Variants in BCL7A observed in about 807,000 individuals in gnomAD.
BCL7A encodes B-cell CLL/lymphoma 7 protein family member A.
A neutral mutation model predicts 28.4 loss-of-function variants in BCL7A; 11 were observed. The observed-to-expected ratio is 0.39, with a 90% CI of 0.24 to 0.64. The LOEUF (loss-of-function observed/expected upper bound fraction) is 0.64. Among genes scored for constraint, BCL7A ranks in the 30% least tolerant of loss-of-function variants. The pLI, the probability that BCL7A is intolerant of heterozygous loss-of-function variation, is 0.50. For missense variants in BCL7A, 222 were observed against 274.8 expected (o/e 0.81, Z 1.36); for synonymous variants, 123 against 103.3 (o/e 1.19, Z -1.15).
intron 4 of BCL7A, among the ~76,000 whole-genome samples, chr12:122,049,684 T>C (rs1314202694): frequency 1.3e-5 from 2 of 152,130 alleles, no homozygotes; most frequent in Admixed American, 1.3e-4. Context: ...GACTGTGCCA[T>C]AATTTATGTG....
At chr12:122,053,392 T>TGTCCCAGGCCC (rs1341271731) in intron 4 of BCL7A, among the ~76,000 whole-genome samples, 1 of 152,178 alleles carries the variant, frequency 6.6e-6, no homozygotes, top group Non-Finnish European at 1.5e-5. Context: ...TGTCCCGGCC[T>TGTCCCAGGCCC]GTCCCAGGCC....
At chr12:122,045,066 A>G (rs1444534437) in intron 4 of BCL7A, among the ~76,000 whole-genome samples, 1 of 152,070 alleles carries the variant, frequency 6.6e-6, no homozygotes, top group Non-Finnish European at 1.5e-5. Flanking sequence ...GGGCAGAGGT[A>G]AGAGTGAGTG....
chr12:122,039,302 A>G (rs1344825717), intron 3 of BCL7A, among the ~76,000 whole-genome samples: 2 of 149,542 alleles, frequency 1.3e-5, no homozygotes, highest in African/African-American at 2.5e-5. Context: ...GTCTAAAAAA[A>G]AATAGATTAA....
At chr12:122,052,031 C>T (rs998175947) in intron 4 of BCL7A, among the ~76,000 whole-genome samples, 1 of 151,844 alleles carries the variant, frequency 6.6e-6, no homozygotes, top group African/African-American at 2.4e-5. Context: ...CCTGCCATCA[C>T]ACCCAGCTAC....
In BCL7A at chr12:122,061,415, G is replaced by A; in HGVS notation, c.*2252G>A. 4.3e-6 allele frequency: 1 copy of A among 231,966 alleles called. No individual in the cohort carries two copies. The allele number at this position is 231,966 out of a possible 1,614,324, so 14.4% of individuals were successfully genotyped here. A position where few individuals can be genotyped will look rare whatever the true frequency, so the allele number is the denominator to read the frequency against. On this transcript the variant is annotated 3_prime_UTR_variant, in exon 6 of 6. Coordinates refer to ENST00000261822, the MANE Select transcript of BCL7A (RefSeq NM_001024808.3). The stretch of plus-strand genomic sequence containing the variant: ...TGGGCCGGCGATTGGGACCAGCTGG[G>A]CCCCACCACGGCCACGCCAGGCAAA...
chr12:122,032,031 T>C (rs1359380720), intron 2 of BCL7A, among the ~76,000 whole-genome samples: 1 of 152,180 alleles, frequency 6.6e-6, no homozygotes, highest in Non-Finnish European at 1.5e-5. Flanking sequence ...CCCACATGGC[T>C]GCGGCCACTC....
chr12:122,025,604 G>A (rs987816796), intron 1 of BCL7A, among the ~76,000 whole-genome samples: 5 of 150,742 alleles, frequency 3.3e-5, no homozygotes, highest in African/African-American at 1.2e-4. Context: ...TCCAGCCTGG[G>A]CAACAGAGCG....
intron 4 of BCL7A, among the ~76,000 whole-genome samples, chr12:122,049,853 T>G (rs1350905956): frequency 1.3e-5 from 2 of 152,234 alleles, no homozygotes; most frequent in Admixed American, 6.5e-5. Flanking sequence ...AGTCAGAGGC[T>G]GCATATGCAC....
At chr12:122,045,467 G>A (rs1884055867) in intron 4 of BCL7A, among the ~76,000 whole-genome samples, 2 of 152,126 alleles carry the variant, frequency 1.3e-5, no homozygotes, top group Non-Finnish European at 2.9e-5. Flanking sequence ...CCACTGCCTG[G>A]CCTGGGTTTT....
chr12:122,027,283 T>C (rs1883649317), intron 1 of BCL7A, among the ~76,000 whole-genome samples: 1 of 152,254 alleles, frequency 6.6e-6, no homozygotes. Context: ...GTTGTTTGTT[T>C]GTTTGTTTGT....
At chr12:122,053,613 C>T (rs569306003) in intron 4 of BCL7A, among the ~76,000 whole-genome samples, 35 of 152,200 alleles carry the variant, frequency 2.3e-4, no homozygotes, top group Non-Finnish European at 3.7e-4. Context: ...TGCCCCTTCA[C>T]GAGTGTCTGG....
rs575393491 is a variant in BCL7A, at chr12:122,061,955, T to A, written c.*2792T>A. The A allele has an allele frequency of 3.0e-4, 60 of 203,128 alleles. No individual in the cohort carries two copies. The highest frequency in any genetic ancestry group is 4.9e-4 in the Non-Finnish European group (48 of 98,712). The allele number at this position is 203,128 out of a possible 1,614,324, so 12.6% of individuals were successfully genotyped here. On this transcript the variant is annotated 3_prime_UTR_variant, in exon 6 of 6. Coordinates refer to ENST00000261822, the MANE Select transcript of BCL7A (RefSeq NM_001024808.3). ...TTTTTTGGTGTGTTGTACAGCAGTA[T>A]AATTTTTCACTTATTTATTCCATCA...
At chr12:122,025,197 G>A (rs960813855) in intron 1 of BCL7A, among the ~76,000 whole-genome samples, 1 of 152,092 alleles carries the variant, frequency 6.6e-6, no homozygotes, top group Admixed American at 6.6e-5. Context: ...GAAAGCTTGG[G>A]CTGCAGCGTA....
intron 5 of BCL7A, among the ~76,000 whole-genome samples, chr12:122,055,861 A>G (rs1269166282): frequency 6.6e-6 from 1 of 151,676 alleles, no homozygotes; most frequent in Non-Finnish European, 1.5e-5. Flanking sequence ...CAAATGATCC[A>G]CTCCCTCAGC....
chr12:122,059,454 G>A lies in BCL7A; in HGVS notation c.*291G>A, dbSNP rs1000893801. ...TCTCGGAAGCCAGGATTCCATTTGT[G>A]TTGCTGCTGTATTTTCCCCCCACTT... is the stretch of plus-strand genomic sequence containing the variant. On this transcript the variant is annotated 3_prime_UTR_variant, in exon 6 of 6. Coordinates refer to ENST00000261822, the MANE Select transcript of BCL7A (RefSeq NM_001024808.3). This position sits in a 1 kb window ranked among gnomAD's most constrained non-coding sequence, Gnocchi z 4.0. 6 of 344,352 alleles carry A rather than the reference G, an allele frequency of 1.7e-5. No homozygotes were observed. The East Asian group carries it at 2.7e-4, about 16-fold the overall frequency. 21.3% of individuals were successfully genotyped at this position (344,352 alleles called of 1,614,324 possible).
At chr12:122,049,031 A>ATATAT (rs1383363229) in intron 4 of BCL7A, among the ~76,000 whole-genome samples, 45 of 69,736 alleles carry the variant, frequency 6.5e-4, no homozygotes, top group Middle Eastern at 0.011. Context: ...AAAAAAAAAA[A>ATATAT]AAAAATATAT....
At chr12:122,054,420 A>G (rs1884264597) in intron 4 of BCL7A, among the ~76,000 whole-genome samples, 1 of 152,200 alleles carries the variant, frequency 6.6e-6, no homozygotes, top group African/African-American at 2.4e-5. Context: ...ATGTTTACAA[A>G]AGGTTAGGAC....
chr12:122,039,278 C>T (rs1159658497), intron 3 of BCL7A, among the ~76,000 whole-genome samples: 2 of 148,086 alleles, frequency 1.4e-5, no homozygotes, highest in East Asian at 3.9e-4. Context: ...GCCTGGGCGA[C>T]AGAGCAAGAC....
chr12:122,056,860 C>T (rs895817960), intron 5 of BCL7A, among the ~76,000 whole-genome samples: 1 of 152,174 alleles, frequency 6.6e-6, no homozygotes, highest in African/African-American at 2.4e-5. Flanking sequence ...GCCTTCCTGA[C>T]TCCCTGCGAT....
Sources: gnomAD v4.1 joint callset for allele counts (sites outside exome capture counted in the v4.1 genomes callset) on GRCh38, gnomAD v4.1.1 for gene constraint, Gnocchi (gnomAD v3.1) non-coding constraint, MANE v1.5 for transcripts, NCBI Gene and HGNC (gene_info 2026-07-23, HGNC 2026-07-21) for gene names.